DNAJC1: variants seen among roughly 807,000 people sequenced by gnomAD.
DNAJC1 encodes the protein DnaJ heat shock protein family (Hsp40) member C1.
Under a neutral mutation model 76.6 loss-of-function variants are expected in DNAJC1, and 58 were observed. The ratio of observed to expected loss-of-function variants is 0.76; its 90% CI spans 0.61 to 0.94. DNAJC1 has a LOEUF of 0.94. Among genes scored for constraint, DNAJC1 ranks in the 40% least tolerant of loss-of-function variants. DNAJC1 has a pLI of 0.00. For synonymous variants in DNAJC1, 258 were observed against 267.9 expected (o/e 0.96, Z 0.36); for missense variants, 689 against 677.3 (o/e 1.02, Z -0.19).
At chr10:21,846,099 T>C (rs993811038) in intron 8 of DNAJC1, among the ~76,000 whole-genome samples, 2 of 152,192 alleles carry the variant, frequency 1.3e-5, no homozygotes, top group Admixed American at 6.5e-5. Flanking sequence ...TGGGGTCAAA[T>C]AAACCTCCTC....
intron 9 of DNAJC1, among the ~76,000 whole-genome samples, chr10:21,778,629 C>T (rs1834482964): frequency 6.6e-6 from 1 of 152,152 alleles, no homozygotes; most frequent in African/African-American, 2.4e-5. Context: ...TCCAAGATGG[C>T]TGAATAGGAA....
intron 8 of DNAJC1, among the ~76,000 whole-genome samples, chr10:21,815,871 G>T (rs544122270): frequency 6.6e-6 from 1 of 151,228 alleles, no homozygotes; most frequent in African/African-American, 2.4e-5. Flanking sequence ...TCAGCCTCCC[G>T]AGTAGCTGGG....
intron 9 of DNAJC1, among the ~76,000 whole-genome samples, chr10:21,775,574 A>G (rs1347120032): frequency 6.6e-6 from 1 of 152,152 alleles, no homozygotes; most frequent in Non-Finnish European, 1.5e-5. Flanking sequence ...AAGTAAATTC[A>G]TCTTTCCATG....
At chr10:21,830,172 CA>C (rs754226331) in intron 8 of DNAJC1, among the ~76,000 whole-genome samples, 71 of 152,296 alleles carry the variant, frequency 4.7e-4, no homozygotes, top group Non-Finnish European at 9.0e-4. Context: ...TTAGATTTAT[CA>C]ACATGATTTC....
rs532971786 is a variant in DNAJC1, at chr10:21,813,175, CCTCTCTCTCTCTCTCTCTCT to C, written c.979-7096_979-7077del. ...GTCTCTCTCTCTCTCTCTCTCTCTC[CCTCTCTCTCTCTCTCTCTCT>C]CTCTCTCTCTCTCTCTCTCTCTCTC... On this transcript the variant is annotated intron_variant, in intron 8 of 11. Coordinates refer to ENST00000376980, the MANE Select transcript of DNAJC1 (RefSeq NM_022365.4). 9.0e-3 allele frequency among the ~76,000 whole-genome samples: 255 copies of C among 28,320 alleles called. 12 individuals carry two copies. Among genetic ancestry groups the C allele is most frequent in the African/African-American group, 0.037 (213 of 5,800 alleles). 18.6% of individuals were successfully genotyped at this position (28,320 alleles called of 152,430 possible).
Position 21,778,737 on chromosome 10 carries a change from AGACAGTGGGTGCAG to A in DNAJC1, c.1099-12442_1099-12429del, listed in dbSNP as rs534635942. 3.3e-4 allele frequency among the ~76,000 whole-genome samples: 50 copies of A among 152,328 alleles called. No homozygotes were observed. The East Asian group carries it at 8.7e-3, about 26-fold the overall frequency. The stretch of plus-strand genomic sequence containing the variant: ...CAGGTTCATCTCACTGGGGCTTGTC[AGACAGTGGGTGCAG>A]GACAGTGGGTGCAGCCCACCAAGCG... On this transcript the variant is annotated intron_variant, in intron 9 of 11. Coordinates refer to ENST00000376980, the MANE Select transcript of DNAJC1 (RefSeq NM_022365.4).
intron 7 of DNAJC1, among the ~76,000 whole-genome samples, chr10:21,887,582 G>A (rs1836387522): frequency 6.6e-6 from 1 of 152,006 alleles, no homozygotes; most frequent in East Asian, 1.9e-4. Context: ...AAATAAGGCT[G>A]CACACCTATA....
chr10:21,927,665 T>A (rs1219006378), intron 3 of DNAJC1, among the ~76,000 whole-genome samples: 2 of 152,206 alleles, frequency 1.3e-5, no homozygotes, highest in African/African-American at 4.8e-5. Flanking sequence ...GTGTTTAACA[T>A]GCAATAAGAA....
At chr10:21,806,142 AATAAAAAGAT>A in intron 8 of DNAJC1, 43 bp from the exon 9 acceptor site, 1 of 1,556,308 alleles carries the variant, frequency 6.4e-7, no homozygotes, top group African/African-American at 1.4e-5. Context: ...ATTGGGAGAA[AATAAAAAGAT>A]AATTGGAAGA....
At chr10:21,944,125 G>A (rs1837465958) in intron 1 of DNAJC1, among the ~76,000 whole-genome samples, 1 of 150,306 alleles carries the variant, frequency 6.7e-6, no homozygotes, top group Non-Finnish European at 1.5e-5. Flanking sequence ...CACTGGCATG[G>A]AAAAATAAAT....
intron 10 of DNAJC1, among the ~76,000 whole-genome samples, chr10:21,763,087 C>T (rs1358334113): frequency 1.3e-5 from 2 of 152,124 alleles, no homozygotes; most frequent in African/African-American, 2.4e-5. Flanking sequence ...TGGGCCACAA[C>T]ACCCAACTAA....
intron 1 of DNAJC1, among the ~76,000 whole-genome samples, chr10:21,949,899 G>C (rs959478285): frequency 6.6e-6 from 1 of 151,972 alleles, no homozygotes; most frequent in Non-Finnish European, 1.5e-5. Flanking sequence ...GTTTAGAACT[G>C]GGTTGATTTC....
intron 6 of DNAJC1, among the ~76,000 whole-genome samples, chr10:21,917,354 C>T (rs1836973874): frequency 1.3e-5 from 2 of 151,874 alleles, no homozygotes; most frequent in Non-Finnish European, 2.9e-5. Flanking sequence ...TTAATTTTAC[C>T]AAATAAATTT....
chr10:21,831,260 AAGGGT>A (rs1186999601), intron 8 of DNAJC1, among the ~76,000 whole-genome samples: 1 of 152,148 alleles, frequency 6.6e-6, no homozygotes, highest in Non-Finnish European at 1.5e-5. Context: ...CCTTTCACAG[AAGGGT>A]AGCCCTTTGA....
intron 1 of DNAJC1, among the ~76,000 whole-genome samples, chr10:21,967,267 T>C (rs1837909519): frequency 6.6e-6 from 1 of 152,214 alleles, no homozygotes; most frequent in African/African-American, 2.4e-5. Flanking sequence ...TAGTTTTACC[T>C]TTTCTAGAAA....
chr10:21,917,196 A>C (rs959354557), intron 6 of DNAJC1, among the ~76,000 whole-genome samples: 25 of 152,100 alleles, frequency 1.6e-4, no homozygotes, highest in Admixed American at 6.5e-4. Context: ...TATTTTCTAC[A>C]AATTTATGAT....
chr10:22,001,905 T>C (rs1404324598), intron 1 of DNAJC1, among the ~76,000 whole-genome samples: 1 of 152,218 alleles, frequency 6.6e-6, no homozygotes, highest in Non-Finnish European at 1.5e-5. Context: ...ATATATAGTG[T>C]ATCTATAAGC....
intron 8 of DNAJC1, among the ~76,000 whole-genome samples, chr10:21,824,586 A>G (rs985776452): frequency 6.6e-6 from 1 of 152,180 alleles, no homozygotes; most frequent in Non-Finnish European, 1.5e-5. Context: ...AGTCCTCTGG[A>G]GAGAGATGGA....
intron 1 of DNAJC1, among the ~76,000 whole-genome samples, chr10:21,991,867 G>A (rs1212038320): frequency 1.3e-5 from 2 of 152,222 alleles, no homozygotes; most frequent in African/African-American, 4.8e-5. Context: ...GAATGTACCT[G>A]TTAGCTATAT....
Sources: gnomAD v4.1 joint callset for allele counts (sites outside exome capture counted in the v4.1 genomes callset) on GRCh38, gnomAD v4.1.1 for gene constraint, MANE v1.5 for transcripts, NCBI Gene and HGNC (gene_info 2026-07-23, HGNC 2026-07-21) for gene names.